MCHR2: variants seen among roughly 807,000 people sequenced by gnomAD.
MCHR2 encodes the protein melanin-concentrating hormone receptor 2.
Under a neutral mutation model 24.8 loss-of-function variants are expected in MCHR2, and 15 were observed. That is an observed-to-expected ratio of 0.60 (90% CI 0.40 to 0.93). The LOEUF (loss-of-function observed/expected upper bound fraction) is 0.93. Ranked by LOEUF, MCHR2 falls within the 40% of genes least tolerant of loss-of-function variation. The pLI, the probability that MCHR2 is intolerant of heterozygous loss-of-function variation, is 0.00. For missense variants in MCHR2, 386 were observed against 408.7 expected (o/e 0.94, Z 0.48); for synonymous variants, 151 against 147.6 (o/e 1.02, Z -0.17).
At chr6:99,948,099 C>A in intron 2 of MCHR2, 128 bp from the exon 3 acceptor site, 1 of 730,434 alleles carries the variant, frequency 1.4e-6, no homozygotes. Context: ...TATACAGATG[C>A]ATAGAGGAAA....
intron 1 of MCHR2, among the ~76,000 whole-genome samples, chr6:99,966,585 C>A (rs950462545): frequency 6.6e-6 from 1 of 152,134 alleles, no homozygotes; most frequent in African/African-American, 2.4e-5. Context: ...GAATGCCCAA[C>A]AATATTTGGT....
intron 4 of MCHR2, among the ~76,000 whole-genome samples, chr6:99,935,608 A>G (rs1774641321): frequency 6.6e-6 from 1 of 151,938 alleles, no homozygotes; most frequent in South Asian, 2.1e-4. Context: ...CCATTCACCT[A>G]TTGATAGGCA....
chr6:99,989,518 C>T (rs1191244438), intron 1 of MCHR2, among the ~76,000 whole-genome samples: 1 of 152,078 alleles, frequency 6.6e-6, no homozygotes, highest in Non-Finnish European at 1.5e-5. Context: ...AGTGGTAGGG[C>T]CAAAAATTGA....
chr6:99,957,278 A>T (rs1317913787), intron 1 of MCHR2, among the ~76,000 whole-genome samples: 1 of 152,140 alleles, frequency 6.6e-6, no homozygotes, highest in Non-Finnish European at 1.5e-5. Flanking sequence ...TATTTTATCT[A>T]GTCAGATTAA....
chr6:99,967,064 T>C (rs1775308358), intron 1 of MCHR2, among the ~76,000 whole-genome samples: 1 of 152,106 alleles, frequency 6.6e-6, no homozygotes, highest in Admixed American at 6.6e-5. Context: ...TTTTTTCTCA[T>C]TCCTTAAATT....
chr6:99,979,716 C>A (rs1456973132), intron 1 of MCHR2, among the ~76,000 whole-genome samples: 1 of 152,102 alleles, frequency 6.6e-6, no homozygotes. Context: ...GGCAAAGCTG[C>A]CTGGGAAAGC....
chr6:99,968,507 T>C (rs1243011305), intron 1 of MCHR2, among the ~76,000 whole-genome samples: 1 of 152,108 alleles, frequency 6.6e-6, no homozygotes, highest in African/African-American at 2.4e-5. Flanking sequence ...CTAAGTGACA[T>C]GGAGAAGCTA....
intron 5 of MCHR2, among the ~76,000 whole-genome samples, chr6:99,926,680 GTTGT>G (rs1774366694): frequency 6.6e-6 from 1 of 152,106 alleles, no homozygotes; most frequent in Non-Finnish European, 1.5e-5. Flanking sequence ...TTTTGATGGG[GTTGT>G]TTGTTTTTTT....
At chr6:99,929,166 C>A (rs1562118026) in intron 5 of MCHR2, among the ~76,000 whole-genome samples, 2 of 152,132 alleles carry the variant, frequency 1.3e-5, no homozygotes, top group Non-Finnish European at 2.9e-5. Context: ...GTTTCTTAAT[C>A]CTGAGTTCTA....
chr6:99,931,097 T>G (rs9389862), intron 5 of MCHR2, among the ~76,000 whole-genome samples: 46,513 of 152,058 alleles, frequency 0.31, 7,829 homozygotes, highest in Admixed American at 0.42. Flanking sequence ...TTGCTAGAGG[T>G]CCACTCCAGA....
chr6:99,936,733 T>C (rs1379952273), intron 4 of MCHR2, among the ~76,000 whole-genome samples: 2 of 151,970 alleles, frequency 1.3e-5, no homozygotes, highest in Non-Finnish European at 2.9e-5. Flanking sequence ...AAAACTGTTA[T>C]TGGTATTTTG....
intron 1 of MCHR2, among the ~76,000 whole-genome samples, chr6:99,988,116 T>C (rs1775802370): frequency 6.6e-6 from 1 of 152,218 alleles, no homozygotes; most frequent in Non-Finnish European, 1.5e-5. Flanking sequence ...GTAAATCATT[T>C]GGGCTGTCTC....
chr6:99,965,533 A>T (rs1303529410), intron 1 of MCHR2, among the ~76,000 whole-genome samples: 1 of 152,152 alleles, frequency 6.6e-6, no homozygotes, highest in Non-Finnish European at 1.5e-5. Context: ...AGTCAAAATG[A>T]TTAATTTATT....
At chr6:99,952,990 C>T (rs1458816715) in intron 2 of MCHR2, among the ~76,000 whole-genome samples, 1 of 152,064 alleles carries the variant, frequency 6.6e-6, no homozygotes, top group East Asian at 1.9e-4. Flanking sequence ...CGTACAATGG[C>T]TCAGGTGTTT....
chr6:99,984,415 C>T (rs1775733848), intron 1 of MCHR2, among the ~76,000 whole-genome samples: 1 of 150,392 alleles, frequency 6.6e-6, no homozygotes, highest in Admixed American at 6.6e-5. Flanking sequence ...CCCCCCCACC[C>T]CCGTCTTTTT....
At chr6:99,925,192 A>G (rs1261495337) in intron 5 of MCHR2, among the ~76,000 whole-genome samples, 2 of 151,992 alleles carry the variant, frequency 1.3e-5, no homozygotes, top group Non-Finnish European at 2.9e-5. Flanking sequence ...TCTAACTGAA[A>G]TCTATTTTGT....
intron 5 of MCHR2, among the ~76,000 whole-genome samples, chr6:99,927,502 T>A (rs1160584686): frequency 6.6e-6 from 1 of 152,194 alleles, no homozygotes; most frequent in East Asian, 1.9e-4. Flanking sequence ...TGTATCCTCT[T>A]TTATTTCATT....
chr6:99,930,387 C>A (rs559019750), intron 5 of MCHR2, among the ~76,000 whole-genome samples: 1 of 152,132 alleles, frequency 6.6e-6, no homozygotes, highest in Non-Finnish European at 1.5e-5. Flanking sequence ...TGTTGGCCTC[C>A]CTCGCTAGAT....
chr6:99,987,923 G>A (rs1775799521), intron 1 of MCHR2, among the ~76,000 whole-genome samples: 1 of 152,190 alleles, frequency 6.6e-6, no homozygotes, highest in Non-Finnish European at 1.5e-5. Flanking sequence ...CAAGTCTATA[G>A]AGGGTTAATC....
Sources: allele counts gnomAD v4.1 joint callset (sites outside exome capture counted in the v4.1 genomes callset), GRCh38; gene constraint gnomAD v4.1.1; transcripts MANE v1.5; gene names NCBI Gene and HGNC (gene_info 2026-07-23, HGNC 2026-07-21).